Variants in DNAH12 observed in about 807,000 individuals in gnomAD.
DNAH12 encodes axonemal beta dynein heavy chain 12.
A neutral mutation model predicts 371.5 loss-of-function variants in DNAH12; 285 were observed. The ratio of observed to expected loss-of-function variants is 0.77; its 90% CI spans 0.70 to 0.85. DNAH12 has a LOEUF of 0.85. Ranked by LOEUF, DNAH12 falls within the 40% of genes least tolerant of loss-of-function variation. The pLI, the probability that DNAH12 is intolerant of heterozygous loss-of-function variation, is 0.00. For synonymous variants in DNAH12, 1,200 were observed against 1,213.0 expected, an observed-to-expected ratio of 0.99 and a Z score of 0.22; for missense variants, 3,611 against 3,689.4, an observed-to-expected ratio of 0.98 and a Z score of 0.55.
At chr3:57,326,014 G>A (rs1198890453) in intron 62 of DNAH12, among the ~76,000 whole-genome samples, 2 of 152,048 alleles carry the variant, frequency 1.3e-5, no homozygotes, top group Admixed American at 1.3e-4. Flanking sequence ...AGAGAAAAAA[G>A]AATAAAAAGA....
At chr3:57,307,150 G>A (rs546458) in intron 69 of DNAH12, among the ~76,000 whole-genome samples, 50,543 of 151,722 alleles carry the variant, frequency 0.33, 10,429 homozygotes, top group East Asian at 0.92. Context: ...TCTCCCTGCC[G>A]ATCGTGTCCG....
rs1486609267 is a variant in DNAH12, at chr3:57,470,523, T to C, written c.2025A>G (p.Glu675=). ...CAATGTTAACTTTTAATTTATCCAGTTCAGGATATTTTGTCAATTCCCACT... is the reference window on the plus strand; with the variant it reads ...CAATGTTAACTTTTAATTTATCCAGCTCAGGATATTTTGTCAATTCCCACT... ...LFKWELTKYP[E]LDKLKVNIEP... is the part of the protein sequence containing the mutation. Residue 675 remains glutamate, a synonymous_variant, in exon 16 of 74, where the codon GAA becomes GAG. Transcript: ENST00000495027. 1.9e-6 allele frequency: 3 copies of C among 1,550,280 alleles called. No individual in the cohort carries two copies. Among genetic ancestry groups the C allele is most frequent in the East Asian group, 2.4e-5 (1 of 40,832 alleles).
chr3:57,494,060 C>G (rs909310845), intron 11 of DNAH12, among the ~76,000 whole-genome samples: 1 of 151,894 alleles, frequency 6.6e-6, no homozygotes, highest in Non-Finnish European at 1.5e-5. Context: ...TAGTGAGACC[C>G]CATCTCTACA....
intron 65 of DNAH12, among the ~76,000 whole-genome samples, chr3:57,320,073 A>G (rs1442346217): frequency 6.6e-6 from 1 of 152,230 alleles, no homozygotes; most frequent in Non-Finnish European, 1.5e-5. Flanking sequence ...ATGATATGCT[A>G]TATTTATGCT....
chr3:57,483,462 CA>C lies in DNAH12; in HGVS notation c.1563del (p.Glu522LysfsTer6), dbSNP rs1329345136. On this transcript the variant is annotated frameshift_variant, in exon 13 of 74. Coordinates refer to ENST00000495027, the MANE Select transcript of DNAH12 (RefSeq NM_001366028.2). LOFTEE classifies it high-confidence loss of function. ...EAIKEHALKV[P>X]ETTEEMMDLI... ...AGATCCATCATCTCTTCTGTTGTTT[CA>C]GGGACTTTTAATGCATGTTCTTTAA... 6.4e-7 allele frequency: 1 copy of C among 1,551,288 alleles called. No individual in the cohort carries two copies. Among genetic ancestry groups the C allele is most frequent in the South Asian group, 1.2e-5 (1 of 84,008 alleles).
chr3:57,370,885 CT>C (rs1336308834), intron 55 of DNAH12, among the ~76,000 whole-genome samples: 2 of 152,086 alleles, frequency 1.3e-5, no homozygotes, highest in Non-Finnish European at 2.9e-5. Flanking sequence ...GAACTGAGAC[CT>C]TTGCATGAAG....
In DNAH12 at chr3:57,453,333, A is replaced by C; in HGVS notation, c.3527T>G (p.Leu1176Trp). The C allele has an allele frequency of 6.4e-7, 1 of 1,551,426 alleles. No individual in the cohort carries two copies. The highest frequency in any genetic ancestry group is 8.7e-7 in the Non-Finnish European group (1 of 1,146,848). ...NEIVELVRGK[L>W]SKQTRTTLGA... ...CAGAGTGGTCCTGGTCTGCTTAGAC[A>C]ACTTTCCTCTTACCAGCTCTACAAT... is the stretch of plus-strand genomic sequence containing the variant. The change falls in exon 24 of 74, where the codon TTG becomes TGG. Residue 1176 changes from leucine to tryptophan, a missense_variant. By Grantham distance (61) the Leu-to-Trp change is moderately conservative (BLOSUM62 -2). Coordinates refer to ENST00000495027, the MANE Select transcript of DNAH12 (RefSeq NM_001366028.2).
In DNAH12 at chr3:57,470,478, A is replaced by T. The variant is rs752778656; in HGVS notation, c.2070T>A (p.Phe690Leu). The part of the protein sequence containing the change: ...KVNIEPYQKF[F>L]NFVLKWQRSE... ...ATCGCTGCCACTTCAAAACAAAATTAAAAAACTTCTGATAGGGCTCAATGT... is the reference window on the plus strand; with the variant it reads ...ATCGCTGCCACTTCAAAACAAAATTTAAAAACTTCTGATAGGGCTCAATGT... The change falls in exon 16 of 74, where the codon TTT becomes TTA. Residue 690 changes from phenylalanine to leucine, a missense_variant. By Grantham distance (22) the Phe-to-Leu change is conservative (BLOSUM62 0). Around this residue, in one of 3 missense-constraint regions of DNAH12, gnomAD observed 1,314 missense variants for 1,398.7 expected, o/e 0.94. Coordinates refer to ENST00000495027, the MANE Select transcript of DNAH12 (RefSeq NM_001366028.2). 39 of 1,534,048 alleles carry T rather than the reference A, an allele frequency of 2.5e-5. 1 individual carries two copies. The highest frequency in any genetic ancestry group is 9.7e-5 in the African/African-American group (7 of 72,202).
chr3:57,333,033 G>A (rs1215666898), intron 62 of DNAH12, among the ~76,000 whole-genome samples: 1 of 152,166 alleles, frequency 6.6e-6, no homozygotes. Context: ...GTTCTGTAGA[G>A]GGCCAGATAA....
Position 57,523,858 on chromosome 3 carries a change from T to C in DNAH12, c.197A>G (p.Asp66Gly). Residue 66 changes from aspartate (D) to glycine (G), a missense_variant, in exon 3 of 74, where the codon GAC (aspartate) becomes GGC (glycine). This residue lies in a region of DNAH12 where 1,314 missense variants were observed against 1,398.7 expected (regional missense o/e 0.94). Transcript: ENST00000495027. ...LVIDGAKRNL[D>G]RTLGKRTPLL... ...AGGTGTTCTTTTACCCAGTGTTCTG[T>C]CTAAATTTCTTTTGGCTCCATCAAT... is the stretch of plus-strand genomic sequence containing the variant. 6.2e-7 allele frequency: 1 copy of C among 1,605,566 alleles called. No homozygotes were observed. The highest frequency in any genetic ancestry group is 8.5e-7 in the Non-Finnish European group (1 of 1,176,662).
At chr3:57,351,240 G>C (rs1003320500) in intron 60 of DNAH12, among the ~76,000 whole-genome samples, 1 of 151,706 alleles carries the variant, frequency 6.6e-6, no homozygotes, top group Admixed American at 6.6e-5. Context: ...CCGCATTCCA[G>C]CCTGGGCAAC....
chr3:57,447,137 G>C (rs774915402), intron 25 of DNAH12, among the ~76,000 whole-genome samples: 2 of 152,100 alleles, frequency 1.3e-5, no homozygotes, highest in South Asian at 2.1e-4. Context: ...TTTTGTCTAC[G>C]ATTTGCCTGG....
At chr3:57,345,371 G>A (rs1004068197) in intron 60 of DNAH12, among the ~76,000 whole-genome samples, 38 of 152,062 alleles carry the variant, frequency 2.5e-4, no homozygotes, top group Admixed American at 3.9e-4. Flanking sequence ...AATATTAGCA[G>A]ATCAAATCCC....
chr3:57,455,572 A>AAAC (rs71088077), intron 22 of DNAH12, among the ~76,000 whole-genome samples: 61,983 of 150,594 alleles, frequency 0.41, 14,215 homozygotes, highest in South Asian at 0.57. Context: ...TCTGTCTCAA[A>AAAC]AACAACAACA....
At chr3:57,343,002 G>T (rs902043809) in intron 60 of DNAH12, among the ~76,000 whole-genome samples, 1 of 152,024 alleles carries the variant, frequency 6.6e-6, no homozygotes, top group African/African-American at 2.4e-5. Context: ...AGCCGGGCAG[G>T]TGGAGGTTGC....
Position 57,297,400 on chromosome 3 carries a change from G to A in DNAH12, c.11395-416C>T, listed in dbSNP as rs2061254364. ...AGATGAAATCGCGCACCATTACCCA[G>A]GCTGGAGTGCAGTGGCATGATCTTA... On this transcript the variant is annotated intron_variant, in intron 70 of 73. Coordinates refer to ENST00000495027, the MANE Select transcript of DNAH12 (RefSeq NM_001366028.2). The A allele has an allele frequency of 1.7e-5, 3 of 172,644 alleles. No homozygotes were observed. In the Admixed American group the frequency reaches 1.8e-4, roughly 10 times the overall value. The allele number at this position is 172,644 out of a possible 1,614,324, so 10.7% of individuals were successfully genotyped here.
chr3:57,417,468 G>A (rs1026505631), intron 37 of DNAH12, among the ~76,000 whole-genome samples: 2 of 152,088 alleles, frequency 1.3e-5, no homozygotes, highest in African/African-American at 4.8e-5. Context: ...TTAGCTCTAT[G>A]AAAATTTATT....
At chr3:57,496,864 G>A (rs1018680316) in intron 11 of DNAH12, among the ~76,000 whole-genome samples, 2 of 152,110 alleles carry the variant, frequency 1.3e-5, no homozygotes, top group Admixed American at 1.3e-4. Flanking sequence ...AGCTACTCAG[G>A]AGGCTGAGAC....
intron 17 of DNAH12, among the ~76,000 whole-genome samples, chr3:57,466,457 T>C (rs1011987495): frequency 6.6e-6 from 1 of 152,206 alleles, no homozygotes; most frequent in Non-Finnish European, 1.5e-5. Flanking sequence ...CTGAGATGAA[T>C]AGACATAGAC....
Sources: gnomAD v4.1 joint callset for allele counts (sites outside exome capture counted in the v4.1 genomes callset) on GRCh38, gnomAD v4.1.1 for gene constraint, gnomAD v4.1.1 regional missense constraint, MANE v1.5 for transcripts, NCBI Gene and HGNC (gene_info 2026-07-23, HGNC 2026-07-21) for gene names.